The following PLCL2 variants were observed in gnomAD, a reference collection of about 807,000 sequenced individuals.
The protein encoded by PLCL2 is phospholipase C like 2.
In PLCL2, 4 loss-of-function variants were observed where a neutral mutation model predicts 79.6. The ratio of observed to expected loss-of-function variants is 0.05; its 90% CI spans 0.02 to 0.11. PLCL2 has a LOEUF of 0.11. Ranked by LOEUF, PLCL2 falls within the 10% of genes least tolerant of loss-of-function variation. The pLI is 1.00. For synonymous variants in PLCL2, 484 were observed against 457.7 expected (o/e 1.06, Z -0.73); for missense variants, 895 against 1,291.0 (o/e 0.69, Z 4.70).
chr3:17,089,920 T>TA lies in PLCL2; in HGVS notation c.*9dup, dbSNP rs1444023099. ...GATGAAACTGGAGAATGAGGAAACT[T>TA]ACAATAAACCATTATGGAGTTTATA... On this transcript the variant is annotated 3_prime_UTR_variant, in exon 6 of 6. Coordinates refer to ENST00000615277, the MANE Select transcript of PLCL2 (RefSeq NM_001144382.2). 6.2e-7 allele frequency: 1 copy of TA among 1,611,178 alleles called. No homozygotes were observed. Among genetic ancestry groups the TA allele is most frequent in the Non-Finnish European group, 8.5e-7 (1 of 1,179,068 alleles).
rs2065258002 is a variant in PLCL2 at position 17,090,053 on chromosome 3, A to G, written c.*141A>G. ...TGGAATAGCTAATTACAGTCTATTA[A>G]AACTGTGAATGTATGTAGCAATCCT... On this transcript the variant is annotated 3_prime_UTR_variant, in exon 6 of 6. Coordinates refer to ENST00000615277, the MANE Select transcript of PLCL2 (RefSeq NM_001144382.2). 7.1e-7 allele frequency: 1 copy of G among 1,398,772 alleles called. No homozygotes were observed. Among genetic ancestry groups the G allele is most frequent in the African/African-American group, 1.5e-5 (1 of 68,900 alleles). 86.6% of individuals were successfully genotyped at this position (1,398,772 alleles called of 1,614,324 possible).
intron 1 of PLCL2, among the ~76,000 whole-genome samples, chr3:16,996,525 A>T (rs117365379): frequency 0.012 from 1,761 of 152,252 alleles, 30 homozygotes; most frequent in Admixed American, 0.047. Flanking sequence ...ATGATTCCAA[A>T]TTCCTAGGCC....
At chr3:17,073,043 T>C (rs2065075679) in intron 5 of PLCL2, among the ~76,000 whole-genome samples, 1 of 152,188 alleles carries the variant, frequency 6.6e-6, no homozygotes, top group South Asian at 2.1e-4. Flanking sequence ...GCTTCTTTGA[T>C]TTAGAAGCCA....
intron 1 of PLCL2, among the ~76,000 whole-genome samples, chr3:17,003,156 T>C (rs1473855634): frequency 6.6e-6 from 1 of 152,202 alleles, no homozygotes; most frequent in Non-Finnish European, 1.5e-5. Flanking sequence ...TTTTGTTTTG[T>C]TTTTCTTTTT....
chr3:16,977,482 T>C (rs1362849609), intron 1 of PLCL2, among the ~76,000 whole-genome samples: 1 of 152,180 alleles, frequency 6.6e-6, no homozygotes, highest in Non-Finnish European at 1.5e-5. Flanking sequence ...TTTTAATCCA[T>C]TCAGATCTAT....
At position 17,089,853 on chromosome 3, in the gene PLCL2, A is replaced by C; in HGVS notation, c.3325A>C (p.Lys1109Gln). The change falls in exon 6 of 6, where the codon AAG (lysine) becomes CAG (glutamine). Residue 1109 changes from lysine to glutamine, a missense_variant. By Grantham distance (53) the Lys-to-Gln change is moderately conservative. Coordinates refer to ENST00000615277, the MANE Select transcript of PLCL2 (RefSeq NM_001144382.2). ...KPGTENADVQ[K>Q]PRRSLEVIPE... The stretch of plus-strand genomic sequence containing the variant: ...AGGCACCGAAAATGCTGATGTCCAG[A>C]AGCCACGCCGGAGCTTGGAAGTCAT... 6.2e-7 allele frequency: 1 copy of C among 1,614,152 alleles called. No individual in the cohort carries two copies. Among genetic ancestry groups the C allele is most frequent in the Non-Finnish European group, 8.5e-7 (1 of 1,180,004 alleles).
chr3:16,908,164 C>G (rs1485889616), intron 1 of PLCL2, among the ~76,000 whole-genome samples: 1 of 152,100 alleles, frequency 6.6e-6, no homozygotes, highest in East Asian at 1.9e-4. Flanking sequence ...CTCTTATATA[C>G]CCATCTCCCA....
At chr3:16,903,792 G>A (rs950662610) in intron 1 of PLCL2, among the ~76,000 whole-genome samples, 2 of 152,188 alleles carry the variant, frequency 1.3e-5, no homozygotes, top group African/African-American at 4.8e-5. Context: ...GAGTGTAGAA[G>A]GAAAGGTTTG....
At chr3:17,035,657 T>A in intron 3 of PLCL2, 1 of 403,982 alleles carries the variant, frequency 2.5e-6, no homozygotes, top group Non-Finnish European at 4.9e-6. Flanking sequence ...TCATAACACC[T>A]CTGCTTAAAA....
chr3:17,014,759 C>G lies in PLCL2; in HGVS notation c.2866C>G (p.Leu956Val), dbSNP rs759668469. Residue 956 changes from leucine to valine, a missense_variant, in exon 3 of 6, where the codon CTC becomes GTC. Leu to Val is a conservative substitution (Grantham distance 32). This residue lies in a region of PLCL2 where 298 missense variants were observed against 459.6 expected (regional missense o/e 0.65). Coordinates refer to ENST00000615277, the MANE Select transcript of PLCL2 (RefSeq NM_001144382.2). The stretch of plus-strand genomic sequence containing the variant: ...GTGTGGCCTCTCCTCTGTGGCCAAT[C>G]TCATGCAGTGCATGTTGGCGGTGTC... ...ELCGLSSVAN[L>V]MQCMLAVSPR... The G allele has an allele frequency of 5.6e-5, 90 of 1,614,002 alleles. No homozygotes were observed. The highest frequency in any genetic ancestry group is 1.7e-4 in the Middle Eastern group (1 of 6,054).
intron 5 of PLCL2, among the ~76,000 whole-genome samples, chr3:17,082,823 A>G (rs1025412903): frequency 1.3e-5 from 2 of 152,318 alleles, no homozygotes; most frequent in South Asian, 2.1e-4. Flanking sequence ...AAAGAACAAT[A>G]TAGATTGCTT....
At chr3:17,030,032 G>A (rs1464138272) in intron 3 of PLCL2, among the ~76,000 whole-genome samples, 3 of 152,162 alleles carry the variant, frequency 2.0e-5, no homozygotes, top group African/African-American at 4.8e-5. Context: ...AAGCAGATGA[G>A]CCCCTGCTAA....
chr3:16,903,848 C>G (rs1381301179), intron 1 of PLCL2, among the ~76,000 whole-genome samples: 1 of 152,222 alleles, frequency 6.6e-6, no homozygotes, highest in East Asian at 1.9e-4. Flanking sequence ...AGGTTGCTGA[C>G]ATTTCTTCTA....
At chr3:16,896,516 C>T (rs763057273) in intron 1 of PLCL2, among the ~76,000 whole-genome samples, 1 of 152,122 alleles carries the variant, frequency 6.6e-6, no homozygotes, top group Admixed American at 6.5e-5. Flanking sequence ...CAGGTGCACT[C>T]GAAAGTTTTA....
chr3:16,947,096 C>T (rs962374484), intron 1 of PLCL2, among the ~76,000 whole-genome samples: 1 of 151,266 alleles, frequency 6.6e-6, no homozygotes, highest in African/African-American at 2.4e-5. Flanking sequence ...GCTTGGACCA[C>T]AGGCACATGC....
intron 1 of PLCL2, among the ~76,000 whole-genome samples, chr3:16,993,307 A>T (rs933322679): frequency 1.3e-5 from 2 of 152,182 alleles, no homozygotes; most frequent in African/African-American, 4.8e-5. Flanking sequence ...TGGGTAATAT[A>T]GTTCACCAGT....
intron 1 of PLCL2, among the ~76,000 whole-genome samples, chr3:16,905,055 A>AGAAG (rs1195807451): frequency 6.6e-6 from 1 of 152,138 alleles, no homozygotes; most frequent in Non-Finnish European, 1.5e-5. Context: ...TTTTGCAAGC[A>AGAAG]GAAGCCTGTA....
chr3:17,040,041 A>G (rs1015173380), intron 3 of PLCL2, among the ~76,000 whole-genome samples: 8 of 152,242 alleles, frequency 5.3e-5, no homozygotes, highest in African/African-American at 1.9e-4. Context: ...CTCACAGGTT[A>G]CAATAGCAAT....
chr3:17,076,186 A>G lies in PLCL2; in HGVS notation c.3204+8121A>G, dbSNP rs6800638. Reference sequence around the variant, plus strand: ...CACATCCTTGTCAACACTTGGAATTATCAGTTTTGTCATTCCAGTAAGTGG... The same window carrying G: ...CACATCCTTGTCAACACTTGGAATTGTCAGTTTTGTCATTCCAGTAAGTGG... On this transcript the variant is annotated intron_variant, in intron 5 of 5. Coordinates refer to ENST00000615277, the MANE Select transcript of PLCL2 (RefSeq NM_001144382.2). Among the ~76,000 whole-genome samples the G allele has an allele frequency of 3.9e-3, 589 of 152,256 alleles. 2 individuals are homozygous for G. Among genetic ancestry groups the G allele is most frequent in the African/African-American group, 0.012 (513 of 41,548 alleles).
Sources: allele counts gnomAD v4.1 joint callset (sites outside exome capture counted in the v4.1 genomes callset), GRCh38; gene constraint gnomAD v4.1.1; regional missense constraint gnomAD v4.1.1; transcripts MANE v1.5; gene names NCBI Gene and HGNC (gene_info 2026-07-23, HGNC 2026-07-21).